PLGRKT: variants seen among roughly 807,000 people sequenced by gnomAD.
PLGRKT encodes the protein plasminogen receptor (KT).
Under a neutral mutation model 18.5 loss-of-function variants are expected in PLGRKT, and 22 were observed. The observed-to-expected ratio is 1.19, with a 90% CI of 0.85 to 1.70. The LOEUF is 1.70. PLGRKT is among the 40% of genes most tolerant of loss of function. The probability of loss-of-function intolerance (pLI) is 0.00; values close to 1 mark genes in which losing one functional copy is unlikely to be tolerated. For missense variants in PLGRKT, 235 were observed against 174.4 expected (o/e 1.35, Z -1.96); for synonymous variants, 72 against 52.8 (o/e 1.36, Z -1.58).
At chr9:5,431,067 C>A (rs1277644344) in intron 3 of PLGRKT, among the ~76,000 whole-genome samples, 7 of 152,190 alleles carry the variant, frequency 4.6e-5, no homozygotes, top group African/African-American at 1.7e-4. Context: ...CCAAAATGGG[C>A]TGGCAGGACT....
intron 3 of PLGRKT, among the ~76,000 whole-genome samples, chr9:5,379,391 G>A (rs1271740153): frequency 2.0e-5 from 3 of 152,144 alleles, no homozygotes; most frequent in Non-Finnish European, 2.9e-5. Context: ...CAACATGGTA[G>A]CCACTAGCCA....
chr9:5,374,586 G>A (rs921765054), intron 3 of PLGRKT, among the ~76,000 whole-genome samples: 1 of 152,104 alleles, frequency 6.6e-6, no homozygotes, highest in South Asian at 2.1e-4. Flanking sequence ...CATGAAATTG[G>A]GTTCAAATTC....
intron 3 of PLGRKT, among the ~76,000 whole-genome samples, chr9:5,409,852 T>G (rs1219119801): frequency 5.3e-5 from 8 of 152,226 alleles, no homozygotes; most frequent in Non-Finnish European, 1.0e-4. Flanking sequence ...GTTTACCCAG[T>G]GTATCTTGGA....
At chr9:5,424,365 T>A (rs184078420) in intron 3 of PLGRKT, among the ~76,000 whole-genome samples, 279 of 132,562 alleles carry the variant, frequency 2.1e-3, no homozygotes, top group African/African-American at 7.5e-3. Flanking sequence ...ATATAATACA[T>A]AATGTAATAA....
intron 3 of PLGRKT, among the ~76,000 whole-genome samples, chr9:5,368,577 A>C (rs966979245): frequency 3.3e-5 from 5 of 152,166 alleles, no homozygotes; most frequent in African/African-American, 1.2e-4. Context: ...ACCAAGGACT[A>C]CTAGAAGGGG....
intron 3 of PLGRKT, among the ~76,000 whole-genome samples, chr9:5,380,995 C>T (rs760292698): frequency 2.3e-4 from 35 of 152,214 alleles, no homozygotes; most frequent in Non-Finnish European, 4.8e-4. Context: ...CCCCCTTTCT[C>T]TCTGTCTTTC....
chr9:5,430,274 G>A (rs1455706238), intron 3 of PLGRKT, among the ~76,000 whole-genome samples: 1 of 152,186 alleles, frequency 6.6e-6, no homozygotes. Flanking sequence ...ACTTCATGGG[G>A]ACCAACATAA....
chr9:5,427,416 T>C (rs1172566811), intron 3 of PLGRKT, among the ~76,000 whole-genome samples: 6 of 151,232 alleles, frequency 4.0e-5, no homozygotes, highest in African/African-American at 1.5e-4. Flanking sequence ...GTTCTCAATA[T>C]GAAAAAAAAA....
chr9:5,373,379 C>T (rs1032046802), intron 3 of PLGRKT, among the ~76,000 whole-genome samples: 3 of 152,186 alleles, frequency 2.0e-5, no homozygotes, highest in Non-Finnish European at 4.4e-5. Flanking sequence ...CAAATAATGA[C>T]CACATTCTGT....
chr9:5,371,986 C>CTTTTTTTTTTTT lies in PLGRKT; in HGVS notation c.82-10110_82-10099dup, dbSNP rs71326158. ...CTGCAAAAAACAATATCAGAAAATC[C>CTTTTTTTTTTTT]TTTTTTTTTTTTTGATATGGAGTCT... On this transcript the variant is annotated intron_variant, in intron 3 of 5. Transcript: ENST00000223864. 5.9e-3 allele frequency among the ~76,000 whole-genome samples: 529 copies of CTTTTTTTTTTTT among 89,094 alleles called. 111 individuals carry two copies. The highest frequency in any genetic ancestry group is 0.025 in the African/African-American group (494 of 19,504). 58.4% of individuals were successfully genotyped at this position (89,094 alleles called of 152,430 possible).
chr9:5,363,209 C>T (rs1344265990), intron 3 of PLGRKT, among the ~76,000 whole-genome samples: 1 of 151,802 alleles, frequency 6.6e-6, no homozygotes, highest in Non-Finnish European at 1.5e-5. Context: ...CAGCAGCACC[C>T]GAGAGTGCTT....
chr9:5,414,708 C>A (rs1818426361), intron 3 of PLGRKT, among the ~76,000 whole-genome samples: 1 of 152,280 alleles, frequency 6.6e-6, no homozygotes, highest in East Asian at 1.9e-4. Flanking sequence ...ATAACGTCCT[C>A]TGGTTATCGA....
intron 3 of PLGRKT, among the ~76,000 whole-genome samples, chr9:5,365,851 A>G (rs577150353): frequency 2.2e-4 from 33 of 152,284 alleles, no homozygotes; most frequent in Admixed American, 2.1e-3. Flanking sequence ...CTAGTCATGA[A>G]CAAATATTAT....
intron 3 of PLGRKT, among the ~76,000 whole-genome samples, chr9:5,425,263 G>T (rs1818674415): frequency 6.6e-6 from 1 of 152,136 alleles, no homozygotes; most frequent in South Asian, 2.1e-4. Flanking sequence ...CATTTTTAGA[G>T]GAGTTTTTAG....
chr9:5,431,857 C>A (rs1337523909), intron 3 of PLGRKT, 40 bp downstream of exon 3: 1 of 948,788 alleles, frequency 1.1e-6, no homozygotes, highest in Non-Finnish European at 1.7e-6. Flanking sequence ...AAACTTTAAG[C>A]ATTGTAACAA....
At chr9:5,390,435 A>T (rs778362557) in intron 3 of PLGRKT, among the ~76,000 whole-genome samples, 20 of 151,620 alleles carry the variant, frequency 1.3e-4, no homozygotes, top group Non-Finnish European at 1.9e-4. Context: ...AGAGTCAAAG[A>T]GGCAGGCTGA....
chr9:5,393,324 A>G (rs10125332), intron 3 of PLGRKT, among the ~76,000 whole-genome samples: 2,491 of 151,988 alleles, frequency 0.016, 119 homozygotes, highest in African/African-American at 0.058. Flanking sequence ...AATATGAAAT[A>G]TATTTAAAAG....
chr9:5,364,407 C>G (rs962087906), intron 3 of PLGRKT, among the ~76,000 whole-genome samples: 1 of 152,170 alleles, frequency 6.6e-6, no homozygotes, highest in African/African-American at 2.4e-5. Context: ...TGGAGTTAAT[C>G]TGTATGGTAC....
At chr9:5,436,300 GA>G (rs1818958482) in intron 2 of PLGRKT, among the ~76,000 whole-genome samples, 1 of 152,206 alleles carries the variant, frequency 6.6e-6, no homozygotes, top group Admixed American at 6.5e-5. Context: ...AGAGATACAA[GA>G]AAAACTGTGG....
Sources: gnomAD v4.1 joint callset for allele counts (sites outside exome capture counted in the v4.1 genomes callset) on GRCh38, gnomAD v4.1.1 for gene constraint, MANE v1.5 for transcripts, NCBI Gene and HGNC (gene_info 2026-07-23, HGNC 2026-07-21) for gene names.